CNTN5: variants seen among roughly 807,000 people sequenced by gnomAD.
The protein encoded by CNTN5 is contactin 5, also known as contactin-5.
Under a neutral mutation model 129.1 loss-of-function variants are expected in CNTN5, and 77 were observed. That is an observed-to-expected ratio of 0.60 (90% confidence interval 0.50 to 0.72). The LOEUF (loss-of-function observed/expected upper bound fraction) is 0.72, where lower values mean the gene tolerates loss of function less well. Ranked by LOEUF, CNTN5 falls within the 30% of genes least tolerant of loss-of-function variation. CNTN5 has a pLI of 0.00. For missense variants in CNTN5, 1,478 were observed against 1,328.8 expected (o/e 1.11, Z -1.75); for synonymous variants, 509 against 465.6 (o/e 1.09, Z -1.20).
At chr11:99,532,254 C>T (rs1431732870) in intron 2 of CNTN5, among the ~76,000 whole-genome samples, 1 of 152,108 alleles carries the variant, frequency 6.6e-6, no homozygotes, top group East Asian at 1.9e-4. Flanking sequence ...TGCATGGGCC[C>T]TGTAAACCCT....
chr11:99,131,689 G>C (rs1234977602), intron 1 of CNTN5, among the ~76,000 whole-genome samples: 1 of 152,076 alleles, frequency 6.6e-6, no homozygotes, highest in Non-Finnish European at 1.5e-5. Flanking sequence ...ACCCTCCCAA[G>C]ACTGAAGCAC....
chr11:99,884,619 TAATG>T (rs1355302250), intron 6 of CNTN5, among the ~76,000 whole-genome samples: 4 of 152,184 alleles, frequency 2.6e-5, no homozygotes, highest in Non-Finnish European at 5.9e-5. Flanking sequence ...ACATGAATAA[TAATG>T]AAATCCACAG....
chr11:99,323,376 G>A (rs527676212), intron 1 of CNTN5, among the ~76,000 whole-genome samples: 34 of 152,166 alleles, frequency 2.2e-4, no homozygotes, highest in African/African-American at 7.9e-4. Context: ...CTTCTAAGAA[G>A]CAAACTTGAA....
intron 1 of CNTN5, among the ~76,000 whole-genome samples, chr11:99,212,207 C>A (rs1305243611): frequency 6.6e-6 from 1 of 152,098 alleles, no homozygotes; most frequent in African/African-American, 2.4e-5. Context: ...AGGAAGATAG[C>A]AGATCACATC....
intron 1 of CNTN5, among the ~76,000 whole-genome samples, chr11:99,131,750 G>C (rs921529693): frequency 2.0e-5 from 3 of 152,018 alleles, no homozygotes; most frequent in African/African-American, 4.8e-5. Context: ...AAATTCAGGT[G>C]CTAATAAAGA....
chr11:99,432,734 G>C (rs1943439714), intron 2 of CNTN5, among the ~76,000 whole-genome samples: 1 of 151,882 alleles, frequency 6.6e-6, no homozygotes. Context: ...GATGAAATTG[G>C]AGAGATGTGT....
chr11:99,525,656 A>G (rs1409293616), intron 2 of CNTN5, among the ~76,000 whole-genome samples: 1 of 152,272 alleles, frequency 6.6e-6, no homozygotes, highest in Non-Finnish European at 1.5e-5. Flanking sequence ...GAAGAAATGC[A>G]TAGACTTGCT....
At chr11:100,337,476 C>A in intron 21 of CNTN5, 1 of 744,658 alleles carries the variant, frequency 1.3e-6, no homozygotes. Flanking sequence ...TTACCCAAGA[C>A]CTGAGGGACT....
intron 15 of CNTN5, among the ~76,000 whole-genome samples, chr11:100,212,428 A>C (rs1239189594): frequency 6.6e-6 from 1 of 152,182 alleles, no homozygotes; most frequent in Non-Finnish European, 1.5e-5. Flanking sequence ...TGTGGGACAG[A>C]TTACCAGGAA....
At chr11:100,252,264 T>C (rs1180424130) in intron 16 of CNTN5, among the ~76,000 whole-genome samples, 1 of 152,178 alleles carries the variant, frequency 6.6e-6, no homozygotes, top group African/African-American at 2.4e-5. Context: ...TAGCGTTGTT[T>C]GTCTATTTGC....
At chr11:100,012,910 A>G (rs530936657) in intron 9 of CNTN5, among the ~76,000 whole-genome samples, 1 of 152,312 alleles carries the variant, frequency 6.6e-6, no homozygotes, top group East Asian at 1.9e-4. Flanking sequence ...TTAATCTCCC[A>G]GGAATTTCCA....
At chr11:99,198,311 A>G (rs1859005575) in intron 1 of CNTN5, among the ~76,000 whole-genome samples, 1 of 152,156 alleles carries the variant, frequency 6.6e-6, no homozygotes, top group African/African-American at 2.4e-5. Context: ...AGTACTAAAG[A>G]ATTTTGAGAA....
chr11:99,878,988 A>G (rs1781126981), intron 6 of CNTN5, among the ~76,000 whole-genome samples: 2 of 151,856 alleles, frequency 1.3e-5, no homozygotes, highest in Admixed American at 1.3e-4. Flanking sequence ...GCTGGAGTAC[A>G]GTGGTACGAT....
At chr11:100,307,400 G>A (rs904567642) in intron 20 of CNTN5, among the ~76,000 whole-genome samples, 2 of 151,562 alleles carry the variant, frequency 1.3e-5, no homozygotes, top group African/African-American at 4.8e-5. Context: ...TTGTGTTTGT[G>A]ACACAGTATT....
At chr11:100,053,123 ATCTATGTATTT>A (rs1160120293) in intron 9 of CNTN5, among the ~76,000 whole-genome samples, 1 of 151,726 alleles carries the variant, frequency 6.6e-6, no homozygotes, top group African/African-American at 2.4e-5. Context: ...CTAAATGTAA[ATCTATGTATTT>A]TCTATGTATT....
intron 2 of CNTN5, among the ~76,000 whole-genome samples, chr11:99,462,639 C>A (rs1315592152): frequency 6.6e-6 from 1 of 152,092 alleles, no homozygotes. Flanking sequence ...GAGTTAACAT[C>A]CTCCAAAAGA....
At chr11:99,068,705 T>C (rs548070364) in intron 1 of CNTN5, among the ~76,000 whole-genome samples, 1 of 152,156 alleles carries the variant, frequency 6.6e-6, no homozygotes, top group African/African-American at 2.4e-5. Context: ...TCACTTTGAA[T>C]GTAGTAAATC....
chr11:100,313,074 A>G (rs1479525087), intron 21 of CNTN5, among the ~76,000 whole-genome samples: 2 of 152,036 alleles, frequency 1.3e-5, no homozygotes, highest in Admixed American at 1.3e-4. Flanking sequence ...CAAGATATGT[A>G]TAGATATATG....
chr11:99,519,793 A>AT (rs1283457824), intron 2 of CNTN5, among the ~76,000 whole-genome samples: 3 of 152,096 alleles, frequency 2.0e-5, no homozygotes, highest in Non-Finnish European at 4.4e-5. Flanking sequence ...AAAGAAGAGC[A>AT]TTTTGTACTG....
Sources: gnomAD v4.1 joint callset for allele counts (sites outside exome capture counted in the v4.1 genomes callset) on GRCh38, gnomAD v4.1.1 for gene constraint, MANE v1.5 for transcripts, NCBI Gene and HGNC (gene_info 2026-07-23, HGNC 2026-07-21) for gene names.